MYO16: variants seen among roughly 807,000 people sequenced by gnomAD.
MYO16 encodes unconventional myosin-XVI.
Under a neutral mutation model 205.3 loss-of-function variants are expected in MYO16, and 94 were observed. That is an observed-to-expected ratio of 0.46 (90% confidence interval 0.39 to 0.54). MYO16 has a LOEUF of 0.54. Ranked by LOEUF, MYO16 falls within the 20% of genes least tolerant of loss-of-function variation. The pLI, the probability that MYO16 is intolerant of heterozygous loss-of-function variation, is 0.00. For synonymous variants in MYO16, 988 were observed against 954.0 expected (o/e 1.04, Z -0.66); for missense variants, 2,315 against 2,387.5 (o/e 0.97, Z 0.63).
intron 34 of MYO16, among the ~76,000 whole-genome samples, chr13:109,191,629 A>T (rs993635823): frequency 1.3e-5 from 2 of 152,118 alleles, no homozygotes; most frequent in African/African-American, 4.8e-5. Flanking sequence ...CAAGGCCCTG[A>T]GGTAGGAGCA....
Position 108,727,422 on chromosome 13 carries a change from T to C in MYO16, c.364-18T>C. The C allele has an allele frequency of 6.2e-7, 1 of 1,609,062 alleles. No homozygotes were observed. Among genetic ancestry groups the C allele is most frequent in the East Asian group, 2.2e-5 (1 of 44,832 alleles). On this transcript the variant is annotated intron_variant, in intron 3 of 34. Transcript: ENST00000457511. ...CAGTTTGTAATAATTTGATATTTCC[T>C]TGTATTCTTTCTTTTAGTGTGCTCG... is the stretch of plus-strand genomic sequence containing the variant.
intron 12 of MYO16, among the ~76,000 whole-genome samples, chr13:108,874,977 A>AT (rs1879257693): frequency 6.6e-6 from 1 of 152,124 alleles, no homozygotes; most frequent in Non-Finnish European, 1.5e-5. Flanking sequence ...CTGTGGAAGC[A>AT]TTGGTGGCTT....
intron 23 of MYO16, among the ~76,000 whole-genome samples, chr13:109,046,212 C>T (rs1887039573): frequency 6.6e-6 from 1 of 152,084 alleles, no homozygotes; most frequent in Non-Finnish European, 1.5e-5. Context: ...TGGTCTGTGC[C>T]CCAAGGTATA....
At chr13:108,992,047 A>G (rs1238000412) in intron 20 of MYO16, among the ~76,000 whole-genome samples, 3 of 152,174 alleles carry the variant, frequency 2.0e-5, no homozygotes, top group Admixed American at 6.6e-5. Flanking sequence ...TAAATAGACA[A>G]CCTACTGAAT....
Position 108,983,408 on chromosome 13 carries a change from A to G in MYO16, c.2370-8968A>G, listed in dbSNP as rs75025788. On this transcript the variant is annotated intron_variant, in intron 20 of 34. Coordinates refer to ENST00000457511, the MANE Select transcript of MYO16 (RefSeq NM_001198950.3). ...TCCGTGAAACAAATTTTAAAATTCA[A>G]GAAAGGGAGTGCCTGTTGTCCAAAA... Among the ~76,000 whole-genome samples, 338 of 152,340 alleles carry G rather than the reference A, an allele frequency of 2.2e-3. 2 individuals are homozygous for G. Among genetic ancestry groups the G allele is most frequent in the African/African-American group, 7.7e-3 (321 of 41,584 alleles).
chr13:108,780,557 G>A (rs769322692), intron 4 of MYO16, among the ~76,000 whole-genome samples: 1 of 152,120 alleles, frequency 6.6e-6, no homozygotes, highest in African/African-American at 2.4e-5. Context: ...GTAAGTAGGA[G>A]TATAGTGATT....
chr13:108,522,766 T>TTGTGTGTGTG, the MYO16 span, among the ~76,000 whole-genome samples: 24 of 149,654 alleles, frequency 1.6e-4, no homozygotes, highest in African/African-American at 5.6e-4. Context: ...GTGTGTGTGT[T>TTGTGTGTGTG]TGTGTGTGTG....
chr13:108,852,930 A>C (rs1009336096), intron 10 of MYO16, among the ~76,000 whole-genome samples: 1 of 152,254 alleles, frequency 6.6e-6, no homozygotes, highest in African/African-American at 2.4e-5. Context: ...TGGGGTTTAA[A>C]CACTGTTGTT....
At chr13:108,821,667 T>C (rs1875978343) in intron 8 of MYO16, among the ~76,000 whole-genome samples, 1 of 152,182 alleles carries the variant, frequency 6.6e-6, no homozygotes, top group Non-Finnish European at 1.5e-5. Context: ...TCCCATGGCA[T>C]ACTCTCACCA....
rs752321848 is a variant in MYO16 at position 108,855,451 on chromosome 13, A to G, written c.1257A>G (p.Leu419=). Residue 419 remains leucine, a synonymous_variant, in exon 11 of 35, where the codon CTA becomes CTG. Coordinates refer to ENST00000457511, the MANE Select transcript of MYO16 (RefSeq NM_001198950.3). Reference sequence around the variant, plus strand: ...TTTCGGTTCTTCCCCAGGTCAAGCTAATGCCTCCTGCCCCAAACGATGACC... The same window carrying G: ...TTTCGGTTCTTCCCCAGGTCAAGCTGATGCCTCCTGCCCCAAACGATGACC... ...SGSTKPEQVK[L]MPPAPNDDLA... is the part of the protein sequence containing the mutation. The G allele has an allele frequency of 6.3e-7, 1 of 1,575,018 alleles. No homozygotes were observed. The highest frequency in any genetic ancestry group is 2.3e-5 in the East Asian group (1 of 44,156).
At chr13:108,956,674 A>G (rs963373457) in intron 16 of MYO16, among the ~76,000 whole-genome samples, 1 of 152,076 alleles carries the variant, frequency 6.6e-6, no homozygotes, top group Non-Finnish European at 1.5e-5. Flanking sequence ...ACATATTCTA[A>G]TTATTCCAGG....
At chr13:108,814,311 A>G (rs1807073796) in intron 7 of MYO16, among the ~76,000 whole-genome samples, 1 of 152,130 alleles carries the variant, frequency 6.6e-6, no homozygotes, top group Non-Finnish European at 1.5e-5. Context: ...AACAAAGGCA[A>G]TCTTAACTAA....
intron 2 of MYO16, among the ~76,000 whole-genome samples, chr13:108,703,467 G>T (rs532472789): frequency 6.6e-6 from 1 of 152,156 alleles, no homozygotes; most frequent in African/African-American, 2.4e-5. Flanking sequence ...AGCATTCATA[G>T]ATATTTGAAT....
At chr13:108,777,067 C>T (rs958582038) in intron 4 of MYO16, among the ~76,000 whole-genome samples, 3 of 152,096 alleles carry the variant, frequency 2.0e-5, no homozygotes, top group Non-Finnish European at 4.4e-5. Context: ...TCCTGCATGC[C>T]ACCTTTCCAA....
At chr13:108,910,172 A>T in intron 16 of MYO16, 22 bp downstream of exon 16, 1 of 1,600,326 alleles carries the variant, frequency 6.2e-7, no homozygotes, top group Non-Finnish European at 8.5e-7. Context: ...AGTATTTTGT[A>T]TCTAAAAGCT....
intron 27 of MYO16, among the ~76,000 whole-genome samples, chr13:109,093,805 T>C (rs142535052): frequency 6.6e-6 from 1 of 152,240 alleles, no homozygotes; most frequent in East Asian, 1.9e-4. Flanking sequence ...GTCCTCCAGA[T>C]GGCAGCCCTG....
chr13:108,499,010 T>C, the MYO16 span, among the ~76,000 whole-genome samples: 1 of 152,176 alleles, frequency 6.6e-6, no homozygotes, highest in Admixed American at 6.5e-5. Flanking sequence ...GTAACATCTA[T>C]TGTCTTAATT....
At chr13:108,592,740 G>GTGTT (rs1443898848), upstream of MYO16, among the ~76,000 whole-genome samples, 1 of 150,744 alleles carries the variant, frequency 6.6e-6, no homozygotes, top group Admixed American at 6.6e-5. Context: ...GTGTGTGTGT[G>GTGTT]TGTGTGTGTG....
chr13:108,668,246 G>A (rs1881827592), intron 2 of MYO16, among the ~76,000 whole-genome samples: 1 of 152,162 alleles, frequency 6.6e-6, no homozygotes, highest in South Asian at 2.1e-4. Flanking sequence ...AGCAGATGTT[G>A]TAGGTGTGAA....
Sources: gnomAD v4.1 joint callset for allele counts (sites outside exome capture counted in the v4.1 genomes callset) on GRCh38, gnomAD v4.1.1 for gene constraint, MANE v1.5 for transcripts, NCBI Gene and HGNC (gene_info 2026-07-23, HGNC 2026-07-21) for gene names.